Variants in LDB2 observed in about 807,000 individuals in gnomAD.
LDB2 encodes LIM domain-binding protein 2.
A neutral mutation model predicts 44.3 loss-of-function variants in LDB2; 12 were observed. That is an observed-to-expected ratio of 0.27 (90% confidence interval 0.17 to 0.44). The LOEUF (loss-of-function observed/expected upper bound fraction) is 0.44, where lower values mean the gene tolerates loss of function less well. Among genes scored for constraint, LDB2 ranks in the 20% least tolerant of loss-of-function variants. The pLI is 1.00. For missense variants in LDB2, 344 were observed against 473.5 expected, an observed-to-expected ratio of 0.73 and a Z score of 2.54; for synonymous variants, 164 against 174.8, an observed-to-expected ratio of 0.94 and a Z score of 0.49.
At position 16,502,580 on chromosome 4, in the gene LDB2, A is replaced by G; in HGVS notation, c.*63T>C. 1 of 1,586,276 alleles carries G rather than the reference A, an allele frequency of 6.3e-7. No individual in the cohort carries two copies. Among genetic ancestry groups the G allele is most frequent in the South Asian group, 1.1e-5 (1 of 90,206 alleles). ...TCTTCTGTTTCCTCTCCTGTAAGTA[A>G]AGATTTGCAATTGTAATGATCACCC... On this transcript the variant is annotated 3_prime_UTR_variant, in exon 8 of 8. Transcript: ENST00000304523.
chr4:16,717,845 T>C (rs1306543871), intron 2 of LDB2, among the ~76,000 whole-genome samples: 1 of 152,152 alleles, frequency 6.6e-6, no homozygotes, highest in Non-Finnish European at 1.5e-5. Flanking sequence ...TCAGTTTTCC[T>C]CAAAATATGG....
At chr4:16,637,615 A>G (rs1027938795) in intron 2 of LDB2, among the ~76,000 whole-genome samples, 1 of 152,138 alleles carries the variant, frequency 6.6e-6, no homozygotes, top group African/African-American at 2.4e-5. Flanking sequence ...AATTGTAACA[A>G]AAGCTACCAA....
chr4:16,860,299 A>T (rs1365511861), intron 1 of LDB2, among the ~76,000 whole-genome samples: 1 of 152,210 alleles, frequency 6.6e-6, no homozygotes, highest in Non-Finnish European at 1.5e-5. Flanking sequence ...ATGCATTTTC[A>T]GCCTAATAAT....
At chr4:16,608,831 T>G (rs1009701642) in intron 2 of LDB2, among the ~76,000 whole-genome samples, 1 of 152,136 alleles carries the variant, frequency 6.6e-6, no homozygotes, top group Non-Finnish European at 1.5e-5. Flanking sequence ...ACCAGACATC[T>G]GCTGGACCAC....
chr4:16,870,239 C>T (rs747671447), intron 1 of LDB2, among the ~76,000 whole-genome samples: 6 of 152,074 alleles, frequency 3.9e-5, no homozygotes, highest in East Asian at 1.9e-4. Flanking sequence ...GCCACATGGA[C>T]GAATTCAGTA....
At chr4:16,538,024 T>C (rs1456379742) in intron 5 of LDB2, among the ~76,000 whole-genome samples, 2 of 152,224 alleles carry the variant, frequency 1.3e-5, no homozygotes, top group Non-Finnish European at 2.9e-5. Flanking sequence ...GCCAAGGTAC[T>C]TGGGCATGGC....
In LDB2 at chr4:16,691,960, C is replaced by T. The variant is rs147921459; in HGVS notation, c.235+67198G>A. Among the ~76,000 whole-genome samples, 630 of 152,182 alleles carry T rather than the reference C, an allele frequency of 4.1e-3. 6 individuals carry two copies. The highest frequency in any genetic ancestry group is 0.03 in the East Asian group (157 of 5,170). On this transcript the variant is annotated intron_variant, in intron 2 of 7. Coordinates refer to ENST00000304523, the MANE Select transcript of LDB2 (RefSeq NM_001290.5). ...GCAGGCTAATTACTGATGCTATTTG[C>T]GATTACACAAAGTTGAATGCCTGAC...
At chr4:16,674,318 A>T (rs971893422) in intron 2 of LDB2, 1 of 1,246,286 alleles carries the variant, frequency 8.0e-7, no homozygotes, top group African/African-American at 1.5e-5. Context: ...CTGAATGCAC[A>T]ACTGCAGAAA....
chr4:16,620,221 C>T (rs1214690840), intron 2 of LDB2, among the ~76,000 whole-genome samples: 2 of 152,216 alleles, frequency 1.3e-5, no homozygotes, highest in Non-Finnish European at 2.9e-5. Context: ...GTTCATCCAT[C>T]ACAGTTAGTC....
intron 6 of LDB2, among the ~76,000 whole-genome samples, chr4:16,511,062 A>G (rs1261323187): frequency 6.6e-6 from 1 of 152,234 alleles, no homozygotes; most frequent in Admixed American, 6.5e-5. Flanking sequence ...TTCTACATAA[A>G]ATAACACTTA....
intron 1 of LDB2, among the ~76,000 whole-genome samples, chr4:16,829,345 A>T (rs1280099079): frequency 6.6e-6 from 1 of 152,228 alleles, no homozygotes; most frequent in Non-Finnish European, 1.5e-5. Flanking sequence ...TTCCCAATAC[A>T]AAACAGAGAA....
At chr4:16,689,557 G>A (rs1750123319) in intron 2 of LDB2, among the ~76,000 whole-genome samples, 1 of 152,168 alleles carries the variant, frequency 6.6e-6, no homozygotes, top group East Asian at 1.9e-4. Context: ...TAAAATTCTG[G>A]TAGGCCTGGG....
At chr4:16,507,619 G>A (rs538787578) in intron 7 of LDB2, among the ~76,000 whole-genome samples, 1 of 152,280 alleles carries the variant, frequency 6.6e-6, no homozygotes, top group African/African-American at 2.4e-5. Context: ...TTGGAAAACA[G>A]AGTATCTAAA....
chr4:16,800,603 G>A (rs1777605166), intron 1 of LDB2, among the ~76,000 whole-genome samples: 1 of 152,234 alleles, frequency 6.6e-6, no homozygotes, highest in African/African-American at 2.4e-5. Flanking sequence ...GTGCCTAAGT[G>A]GTTGTGGGGT....
At chr4:16,529,737 A>G (rs1449125639) in intron 5 of LDB2, among the ~76,000 whole-genome samples, 2 of 152,020 alleles carry the variant, frequency 1.3e-5, no homozygotes, top group Non-Finnish European at 2.9e-5. Context: ...TTTACGGAAG[A>G]TCTGTATATG....
At chr4:16,815,059 C>G (rs947988534) in intron 1 of LDB2, among the ~76,000 whole-genome samples, 5 of 152,296 alleles carry the variant, frequency 3.3e-5, no homozygotes, top group Middle Eastern at 6.8e-3. Context: ...TTGTTCACAT[C>G]AACTCTGAAA....
At chr4:16,648,473 T>C (rs1737386537) in intron 2 of LDB2, among the ~76,000 whole-genome samples, 1 of 152,328 alleles carries the variant, frequency 6.6e-6, no homozygotes, top group African/African-American at 2.4e-5. Context: ...CTCAACTCTC[T>C]AGCTTGATGA....
chr4:16,743,042 C>A (rs1007641845), intron 2 of LDB2, among the ~76,000 whole-genome samples: 1 of 152,122 alleles, frequency 6.6e-6, no homozygotes, highest in African/African-American at 2.4e-5. Flanking sequence ...GTAATCCCAG[C>A]ACTTTGGGAG....
chr4:16,754,677 G>T (rs769957715), intron 2 of LDB2, among the ~76,000 whole-genome samples: 1 of 151,948 alleles, frequency 6.6e-6, no homozygotes, highest in African/African-American at 2.4e-5. Flanking sequence ...GACTACAGAC[G>T]CATGCCACCA....
Sources: gnomAD v4.1 joint callset for allele counts (sites outside exome capture counted in the v4.1 genomes callset) on GRCh38, gnomAD v4.1.1 for gene constraint, MANE v1.5 for transcripts, NCBI Gene and HGNC (gene_info 2026-07-23, HGNC 2026-07-21) for gene names.